The following RGL2 variants were observed in gnomAD, a reference collection of about 807,000 sequenced individuals.
RGL2 encodes the protein ral guanine nucleotide dissociation stimulator-like 2.
A neutral mutation model predicts 84.6 loss-of-function variants in RGL2; 40 were observed. The ratio of observed to expected loss-of-function variants is 0.47; its 90% CI spans 0.37 to 0.62. RGL2 has a LOEUF of 0.62. RGL2 is among the 20% of genes least tolerant of loss of function. The pLI is 0.00. For missense variants in RGL2, 865 were observed against 1,019.7 expected (o/e 0.85, Z 2.07); for synonymous variants, 369 against 417.3 (o/e 0.88, Z 1.41).
Position 33,296,557 on chromosome 6 carries a change from G to C in RGL2, c.419+41C>G, listed in dbSNP as rs376939629. On this transcript the variant is annotated intron_variant, in intron 4 of 17. Transcript: ENST00000497454. This position sits in a 1 kb window ranked among gnomAD's most constrained non-coding sequence, Gnocchi z 5.0. ...GGGATGTTGCGGCTTTAGGAAATCC[G>C]GGCAGATACTCCACTACCCTGCGTC... The C allele has an allele frequency of 6.3e-7, 1 of 1,588,640 alleles. No homozygotes were observed. Among genetic ancestry groups the C allele is most frequent in the Non-Finnish European group, 8.6e-7 (1 of 1,166,338 alleles).
chr6:33,295,153 A>C lies in RGL2; in HGVS notation c.1183T>G (p.Ser395Ala). The C allele has an allele frequency of 6.2e-7, 1 of 1,608,152 alleles. No individual in the cohort carries two copies. The highest frequency in any genetic ancestry group is 8.5e-7 in the Non-Finnish European group (1 of 1,177,146). Residue 395 changes from serine (S) to alanine (A), a missense_variant, in exon 9 of 18, where the codon TCC becomes GCC. Ser to Ala is a moderately conservative substitution (Grantham distance 99, BLOSUM62 1). This residue lies in a region of RGL2 where 455 missense variants were observed against 507.8 expected (regional missense o/e 0.90). Transcript: ENST00000497454. The surrounding 1 kb of genome is among the most constrained non-coding windows in gnomAD (Gnocchi z 7.2). Reference protein sequence around the residue: ...CQIFSEEDNYSQSRELLVQEV... With the variant: ...CQIFSEEDNYAQSRELLVQEV... Reference sequence around the variant, plus strand: ...TGCACGAGCAGCTCCCGACTCTGGGAATAATTATCCTCCTCGGAGAAAATC... The same window carrying C: ...TGCACGAGCAGCTCCCGACTCTGGGCATAATTATCCTCCTCGGAGAAAATC...
Position 33,294,165 on chromosome 6 carries a change from TCA to T in RGL2, c.1354-101_1354-100del. 1 of 1,396,240 alleles carries T rather than the reference TCA, an allele frequency of 7.2e-7. No homozygotes were observed. 86.5% of individuals were successfully genotyped at this position (1,396,240 alleles called of 1,614,324 possible). A position where few individuals can be genotyped will look rare whatever the true frequency, so the allele number is the denominator to read the frequency against. ...TTAAACACACACAGCCACATCCAAC[TCA>T]CAACCACTTCCCTCCAGCCTCTCTG... On this transcript the variant is annotated intron_variant, in intron 11 of 17. Transcript: ENST00000497454. The surrounding 1 kb of genome is among the most constrained non-coding windows in gnomAD (Gnocchi z 5.0).
In RGL2 at chr6:33,294,790, G is replaced by A. The variant is rs753982531; in HGVS notation, c.1279-28C>T. 8 of 1,609,828 alleles carry A rather than the reference G, an allele frequency of 5.0e-6. No homozygotes were observed. The East Asian group carries it at 1.1e-4, about 22-fold the overall frequency. On this transcript the variant is annotated intron_variant, in intron 10 of 17. Coordinates refer to ENST00000497454, the MANE Select transcript of RGL2 (RefSeq NM_004761.5). This position sits in a 1 kb window ranked among gnomAD's most constrained non-coding sequence, Gnocchi z 5.0. ...GAAGTCAGGGGTCAGGGTCAGAAGT[G>A]CCTGCCATTGACGTGAGGGCCCTCC...
chr6:33,296,377 G>C lies in RGL2; in HGVS notation c.470+37C>G, dbSNP rs1767957534. The C allele has an allele frequency of 1.2e-6, 2 of 1,606,362 alleles. No homozygotes were observed. The highest frequency in any genetic ancestry group is 4.5e-5 in the East Asian group (2 of 44,850). ...GAGAGGTAAAGCTGCAGCCTGGGCAGAGGGGACTGTGAGATTAAGAACCAG... is the reference window on the plus strand; with the variant it reads ...GAGAGGTAAAGCTGCAGCCTGGGCACAGGGGACTGTGAGATTAAGAACCAG... On this transcript the variant is annotated intron_variant, in intron 5 of 17. Coordinates refer to ENST00000497454, the MANE Select transcript of RGL2 (RefSeq NM_004761.5). This position sits in a 1 kb window ranked among gnomAD's most constrained non-coding sequence, Gnocchi z 5.0.
chr6:33,296,082 A>G lies in RGL2; in HGVS notation c.714T>C (p.Asp238=), dbSNP rs146508771. ...LPGDPPADPT[D]VLVFLADHLA... is the part of the protein sequence containing the mutation. ...AGTGGTCAGCGAGGAACACCAGGAC[A>G]TCCGTGGGGTCAGCAGGGGGATCGC... Residue 238 remains aspartate, a synonymous_variant, in exon 6 of 18, where the codon GAT becomes GAC. Coordinates refer to ENST00000497454, the MANE Select transcript of RGL2 (RefSeq NM_004761.5). The surrounding 1 kb of genome is among the most constrained non-coding windows in gnomAD (Gnocchi z 5.0). The G allele has an allele frequency of 6.2e-7, 1 of 1,613,856 alleles. No homozygotes were observed. The highest frequency in any genetic ancestry group is 8.5e-7 in the Non-Finnish European group (1 of 1,180,008).
At chr6:33,301,573 CA>C (rs11350807), upstream of RGL2, 136,309 of 418,068 alleles carry the variant, frequency 0.33, 3,679 homozygotes, top group African/African-American at 0.5. Flanking sequence ...GACTCCGTCT[CA>C]AAAAAAAAAA....
At position 33,293,230 on chromosome 6, in the gene RGL2, G is replaced by A. The variant is rs34022110; in HGVS notation, c.1793C>T (p.Pro598Leu). The change falls in exon 16 of 18, where the codon CCC becomes CTC. Residue 598 changes from proline to leucine, a missense_variant. This residue lies in a region of RGL2 where 302 missense variants were observed against 327.9 expected (regional missense o/e 0.92). Transcript: ENST00000497454. This position sits in a 1 kb window ranked among gnomAD's most constrained non-coding sequence, Gnocchi z 7.0. The part of the protein sequence containing the change: ...SSPSLHSPAD[P>L]SHLSPPASSP... ...GGAGGCTGGTGGGGAGAGGTGGCTG[G>A]GGTCAGCTGGACTGTGCAGGGATGG... 1,654 of 1,559,384 alleles carry A rather than the reference G, an allele frequency of 1.1e-3. No homozygotes were observed. The highest frequency in any genetic ancestry group is 1.3e-3 in the Non-Finnish European group (1,552 of 1,155,888).
In RGL2 at chr6:33,296,899, G is replaced by A. The variant is rs894156601; in HGVS notation, c.241-123C>T. On this transcript the variant is annotated intron_variant, in intron 3 of 17. Transcript: ENST00000497454. This position sits in a 1 kb window ranked among gnomAD's most constrained non-coding sequence, Gnocchi z 5.0. ...TTTCTGATATTCAGAGAGGGCAAGA[G>A]TCTTGGCCTATGTCACACAGCAGAG... is the stretch of plus-strand genomic sequence containing the variant. 38 of 1,489,044 alleles carry A rather than the reference G, an allele frequency of 2.6e-5. No homozygotes were observed. Among genetic ancestry groups the A allele is most frequent in the Non-Finnish European group, 3.4e-5 (36 of 1,067,846 alleles). 92.2% of individuals were successfully genotyped at this position (1,489,044 alleles called of 1,614,324 possible).
chr6:33,299,420 GC>G (rs1468752419), upstream of RGL2: 1 of 151,980 alleles, frequency 6.6e-6, no homozygotes, highest in Non-Finnish European at 1.5e-5. The surrounding 1 kb of genome is among the most constrained non-coding windows in gnomAD (Gnocchi z 5.0). Flanking sequence ...CTCGATTCCC[GC>G]CCCCTCGGCA....
chr6:33,297,306 AC>A lies in RGL2; in HGVS notation c.157-192del. On this transcript the variant is annotated intron_variant, in intron 2 of 17. Coordinates refer to ENST00000497454, the MANE Select transcript of RGL2 (RefSeq NM_004761.5). This position sits in a 1 kb window ranked among gnomAD's most constrained non-coding sequence, Gnocchi z 4.0. ...CCCCCACTGGGGCCCAGACAGCCCC[AC>A]CCCAGCCGCCTCAGGGCCCCGGTGG... 1 of 515,658 alleles carries A rather than the reference AC, an allele frequency of 1.9e-6. No homozygotes were observed. Among genetic ancestry groups the A allele is most frequent in the South Asian group, 3.4e-5 (1 of 29,014 alleles). The allele number at this position is 515,658 out of a possible 1,614,324, so 31.9% of individuals were successfully genotyped here.
rs374401294 is a variant in RGL2 at position 33,295,663 on chromosome 6, C to T, written c.865G>A (p.Ala289Thr). 3 of 1,613,810 alleles carry T rather than the reference C, an allele frequency of 1.9e-6. No homozygotes were observed. The highest frequency in any genetic ancestry group is 2.7e-5 in the African/African-American group (2 of 74,922). The change falls in exon 7 of 18, where the codon GCT (alanine) becomes ACT (threonine). Residue 289 changes from alanine to threonine, a missense_variant. Coordinates refer to ENST00000497454, the MANE Select transcript of RGL2 (RefSeq NM_004761.5). The surrounding 1 kb of genome is among the most constrained non-coding windows in gnomAD (Gnocchi z 7.2). ...ACCTTGTTAAACTGTGTGACAGTAG[C>T]TCGGACAGATGGGCAGAGGTGAGAA... ...GHSHLCPSVRATVTQFNKVAG... is the reference protein window; with the variant it reads ...GHSHLCPSVRTTVTQFNKVAG...
Position 33,298,301 on chromosome 6 carries a change from C to T in RGL2, c.156+154G>A. 1 of 563,972 alleles carries T rather than the reference C, an allele frequency of 1.8e-6. No homozygotes were observed. The highest frequency in any genetic ancestry group is 3.6e-5 in the Admixed American group (1 of 27,478). 34.9% of individuals were successfully genotyped at this position (563,972 alleles called of 1,614,324 possible). ...ACACTGACAGAGAACCACGGAGACGCCAGGACTCCCCGCAGCAGAGAAACG... is the reference window on the plus strand; with the variant it reads ...ACACTGACAGAGAACCACGGAGACGTCAGGACTCCCCGCAGCAGAGAAACG... On this transcript the variant is annotated intron_variant, in intron 2 of 17. Coordinates refer to ENST00000497454, the MANE Select transcript of RGL2 (RefSeq NM_004761.5). This position sits in a 1 kb window ranked among gnomAD's most constrained non-coding sequence, Gnocchi z 4.8.
At position 33,296,796 on chromosome 6, in the gene RGL2, G is replaced by A; in HGVS notation, c.241-20C>T. ...AGGGACCTGGAGAACACAGAGAGAT[G>A]ATCGCTAACCCTTTCTCCCACTCTG... On this transcript the variant is annotated intron_variant, in intron 3 of 17. Transcript: ENST00000497454. The surrounding 1 kb of genome is among the most constrained non-coding windows in gnomAD (Gnocchi z 5.0). The A allele has an allele frequency of 6.8e-6, 11 of 1,613,838 alleles. No individual in the cohort carries two copies. Among genetic ancestry groups the A allele is most frequent in the Non-Finnish European group, 9.3e-6 (11 of 1,179,944 alleles).
Position 33,298,572 on chromosome 6 carries a change from G to T in RGL2, c.39C>A (p.Ser13Arg). Residue 13 changes from serine (S) to arginine (R), a missense_variant, in exon 2 of 18, where the codon AGC (serine) becomes AGA (arginine). Coordinates refer to ENST00000497454, the MANE Select transcript of RGL2 (RefSeq NM_004761.5). The surrounding 1 kb of genome is among the most constrained non-coding windows in gnomAD (Gnocchi z 4.8). Reference sequence around the variant, plus strand: ...TGCTCAGTACGACTCCCCCGGGGGGGCTCGTGTCCAAAAGCAGCCGCAGGG... The same window carrying T: ...TGCTCAGTACGACTCCCCCGGGGGGTCTCGTGTCCAAAAGCAGCCGCAGGG... ...PRPLRLLLDT[S>R]PPGGVVLSSF... 2 of 1,469,262 alleles carry T rather than the reference G, an allele frequency of 1.4e-6. No homozygotes were observed. The highest frequency in any genetic ancestry group is 1.8e-6 in the Non-Finnish European group (2 of 1,110,352). The allele number at this position is 1,469,262 out of a possible 1,614,324, so 91.0% of individuals were successfully genotyped here.
At position 33,296,180 on chromosome 6, in the gene RGL2, C is replaced by G; in HGVS notation, c.616G>C (p.Asp206His). 3 of 1,613,896 alleles carry G rather than the reference C, an allele frequency of 1.9e-6. No homozygotes were observed. Among genetic ancestry groups the G allele is most frequent in the Non-Finnish European group, 2.5e-6 (3 of 1,179,932 alleles). Reference protein sequence around the residue: ...AGKGVGGGSADLIRNLRSRVD... With the variant: ...AGKGVGGGSAHLIRNLRSRVD... Reference sequence around the variant, plus strand: ...CGGGACCGGAGATTGCGGATGAGGTCAGCGCTGCCCCCCCCAACACCCTTC... The same window carrying G: ...CGGGACCGGAGATTGCGGATGAGGTGAGCGCTGCCCCCCCCAACACCCTTC... The change falls in exon 6 of 18, where the codon GAC becomes CAC. Residue 206 changes from aspartate to histidine, a missense_variant. Physicochemically the swap from Asp to His is moderately conservative, Grantham distance 81 (BLOSUM62 -1). This residue lies in a region of RGL2 where 455 missense variants were observed against 507.8 expected (regional missense o/e 0.90). Transcript: ENST00000497454. This position sits in a 1 kb window ranked among gnomAD's most constrained non-coding sequence, Gnocchi z 5.0.
Position 33,297,796 on chromosome 6 carries a change from A to C in RGL2, c.156+659T>G, listed in dbSNP as rs1007618928. 5 of 152,232 alleles carry C rather than the reference A, an allele frequency of 3.3e-5. No homozygotes were observed. Among genetic ancestry groups the C allele is most frequent in the African/African-American group, 9.7e-5 (4 of 41,406 alleles). 9.4% of individuals were successfully genotyped at this position (152,232 alleles called of 1,614,324 possible). ...CAGCCCTGCCAGTCAACCTGCCCTCACCTAGGATCTGGACCTAGGAGTTTA... is the reference window on the plus strand; with the variant it reads ...CAGCCCTGCCAGTCAACCTGCCCTCCCCTAGGATCTGGACCTAGGAGTTTA... On this transcript the variant is annotated intron_variant, in intron 2 of 17. Coordinates refer to ENST00000497454, the MANE Select transcript of RGL2 (RefSeq NM_004761.5). This position sits in a 1 kb window ranked among gnomAD's most constrained non-coding sequence, Gnocchi z 4.0.
At position 33,294,848 on chromosome 6, in the gene RGL2, G is replaced by A; in HGVS notation, c.1279-86C>T. Reference sequence around the variant, plus strand: ...CGCACTTGCCCTCCTCATTGCCTCAGAGAACAGATTTCATTCTCCTCACCC... The same window carrying A: ...CGCACTTGCCCTCCTCATTGCCTCAAAGAACAGATTTCATTCTCCTCACCC... On this transcript the variant is annotated intron_variant, in intron 10 of 17. Coordinates refer to ENST00000497454, the MANE Select transcript of RGL2 (RefSeq NM_004761.5). The surrounding 1 kb of genome is among the most constrained non-coding windows in gnomAD (Gnocchi z 5.0). The A allele has an allele frequency of 6.6e-7, 1 of 1,516,670 alleles. No individual in the cohort carries two copies. Among genetic ancestry groups the A allele is most frequent in the Non-Finnish European group, 9.0e-7 (1 of 1,109,428 alleles). The allele number at this position is 1,516,670 out of a possible 1,614,324, so 94.0% of individuals were successfully genotyped here. A position where few individuals can be genotyped will look rare whatever the true frequency, so the allele number is the denominator to read the frequency against.
In RGL2 at chr6:33,294,629, G is replaced by C; in HGVS notation, c.1353+59C>G. 6 of 1,592,906 alleles carry C rather than the reference G, an allele frequency of 3.8e-6. No homozygotes were observed. Among genetic ancestry groups the C allele is most frequent in the Non-Finnish European group, 4.3e-6 (5 of 1,163,880 alleles). ...CCCCTTGCAAGGGGCGGGGGGGTCT[G>C]TCCGACCCTGCAGCCCACTTGTTAC... On this transcript the variant is annotated intron_variant, in intron 11 of 17. Transcript: ENST00000497454. The surrounding 1 kb of genome is among the most constrained non-coding windows in gnomAD (Gnocchi z 5.0).
Position 33,296,543 on chromosome 6 carries a change from G to T in RGL2, c.419+55C>A. 1 of 1,586,074 alleles carries T rather than the reference G, an allele frequency of 6.3e-7. No individual in the cohort carries two copies. Among genetic ancestry groups the T allele is most frequent in the Non-Finnish European group, 8.6e-7 (1 of 1,164,942 alleles). ...TTGACTATTTTGGTGGGATGTTGCG[G>T]CTTTAGGAAATCCGGGCAGATACTC... On this transcript the variant is annotated intron_variant, in intron 4 of 17. Transcript: ENST00000497454. This position sits in a 1 kb window ranked among gnomAD's most constrained non-coding sequence, Gnocchi z 5.0.
Sources: allele counts gnomAD v4.1 joint callset, GRCh38; gene constraint gnomAD v4.1.1; regional missense constraint gnomAD v4.1.1; non-coding constraint Gnocchi (gnomAD v3.1); transcripts MANE v1.5; gene names NCBI Gene and HGNC (gene_info 2026-07-23, HGNC 2026-07-21).